The following CACNA1E variants were observed in gnomAD, a reference collection of about 807,000 sequenced individuals.
The protein encoded by CACNA1E is calcium voltage-gated channel subunit alpha1 E, also known as voltage-dependent R-type calcium channel subunit alpha-1E.
A neutral mutation model predicts 259.2 loss-of-function variants in CACNA1E; 40 were observed. The ratio of observed to expected loss-of-function variants is 0.15; its 90% CI spans 0.12 to 0.20. The LOEUF (loss-of-function observed/expected upper bound fraction) is 0.20, where lower values mean the gene tolerates loss of function less well. Ranked by LOEUF, CACNA1E falls within the 10% of genes least tolerant of loss-of-function variation. The probability of loss-of-function intolerance (pLI) is 1.00; values close to 1 mark genes in which losing one functional copy is unlikely to be tolerated. For synonymous variants in CACNA1E, 1,104 were observed against 1,138.5 expected (o/e 0.97, Z 0.61); for missense variants, 1,874 against 3,040.1 (o/e 0.62, Z 9.02).
At chr1:181,718,482 C>T (rs1436279718) in intron 12 of CACNA1E, among the ~76,000 whole-genome samples, 1 of 151,990 alleles carries the variant, frequency 6.6e-6, no homozygotes, top group Non-Finnish European at 1.5e-5. Context: ...CACTTATTAT[C>T]TTGGGGGAAG....
At chr1:181,617,221 G>T (rs1655299730) in intron 6 of CACNA1E, among the ~76,000 whole-genome samples, 1 of 148,894 alleles carries the variant, frequency 6.7e-6, no homozygotes, top group Non-Finnish European at 1.5e-5. Flanking sequence ...TTAATATGCT[G>T]TTCTGTTTCA....
intron 1 of CACNA1E, among the ~76,000 whole-genome samples, chr1:181,319,652 G>A (rs1216176419): frequency 6.6e-6 from 1 of 152,164 alleles, no homozygotes. Context: ...TGTCCAAGCT[G>A]GGACATTTCT....
intron 3 of CACNA1E, among the ~76,000 whole-genome samples, chr1:181,573,322 C>T (rs1650606124): frequency 6.6e-6 from 1 of 152,182 alleles, no homozygotes; most frequent in African/African-American, 2.4e-5. Context: ...TTTTATGTGT[C>T]TGTCTACTTC....
At position 181,605,425 on chromosome 1, in the gene CACNA1E, C is replaced by G. The variant is rs61054681; in HGVS notation, c.951+24649C>G. On this transcript the variant is annotated intron_variant, in intron 6 of 47. Coordinates refer to ENST00000367573, the MANE Select transcript of CACNA1E (RefSeq NM_001205293.3). ...CATGCCCAAGGCAGCACTGGCAGCT[C>G]AAGCTCAGGCCAAACACACACGAGA... Among the ~76,000 whole-genome samples the G allele has an allele frequency of 6.4e-3, 978 of 152,194 alleles. 17 individuals are homozygous for G. The highest frequency in any genetic ancestry group is 0.022 in the African/African-American group (932 of 41,504).
chr1:181,757,248 G>A, intron 30 of CACNA1E, 122 bp downstream of exon 30: 2 of 696,492 alleles, frequency 2.9e-6, no homozygotes, highest in Non-Finnish European at 4.8e-6. Flanking sequence ...AGAGAAGATG[G>A]GAAAAGTAAC....
chr1:181,503,833 GC>G (rs1221374480), intron 1 of CACNA1E, among the ~76,000 whole-genome samples: 7 of 152,336 alleles, frequency 4.6e-5, no homozygotes, highest in African/African-American at 1.7e-4. Flanking sequence ...TGTTGGGACA[GC>G]TTTTGCAGTC....
rs780350288 is a variant in CACNA1E at position 181,726,087 on chromosome 1, C to A, written c.2165C>A (p.Ala722Asp). ...TAGGATGAACAGGAGGAAGAAGAGG[C>A]CTTCAACCAGAAACATGCACTGCAG... ...LTKDEQEEEE[A>D]FNQKHALQKA... Residue 722 changes from alanine to aspartate, a missense_variant, in exon 18 of 48, where the codon GCC becomes GAC. Around this residue, in one of 14 missense-constraint regions of CACNA1E, gnomAD observed 102 missense variants for 279.4 expected, o/e 0.37. Transcript: ENST00000367573. The A allele has an allele frequency of 1.2e-6, 2 of 1,612,610 alleles. No individual in the cohort carries two copies. The highest frequency in any genetic ancestry group is 8.5e-7 in the Non-Finnish European group (1 of 1,179,166).
intron 12 of CACNA1E, among the ~76,000 whole-genome samples, chr1:181,719,118 G>A (rs954802615): frequency 5.3e-5 from 8 of 152,278 alleles, no homozygotes; most frequent in South Asian, 4.2e-4. Context: ...CTTTGTGTCC[G>A]TACCTTTCGG....
chr1:181,461,159 GGA>G (rs1401196708), intron 2 of CACNA1E, among the ~76,000 whole-genome samples: 4 of 152,160 alleles, frequency 2.6e-5, no homozygotes, highest in Admixed American at 1.3e-4. Flanking sequence ...GAGTTATTCA[GGA>G]GACTAGAACT....
At position 181,733,778 on chromosome 1, in the gene CACNA1E, AC is replaced by A. The variant is rs779900123; in HGVS notation, c.3262+33del. The A allele has an allele frequency of 1.0e-5, 15 of 1,465,656 alleles. No homozygotes were observed. The East Asian group carries it at 2.6e-4, about 25-fold the overall frequency. The allele number at this position is 1,465,656 out of a possible 1,614,324, so 90.8% of individuals were successfully genotyped here. A position where few individuals can be genotyped will look rare whatever the true frequency, so the allele number is the denominator to read the frequency against. On this transcript the variant is annotated intron_variant, in intron 21 of 47. Transcript: ENST00000367573. ...GAGAGCACAGTCCCTGTTCCCCTCC[AC>A]CCCCAACTCCTATCCCATCTGGGGC...
intron 3 of CACNA1E, among the ~76,000 whole-genome samples, chr1:181,548,931 C>A (rs548862347): frequency 9.2e-5 from 14 of 152,078 alleles, no homozygotes; most frequent in Non-Finnish European, 1.8e-4. Context: ...AGCAAGTTCC[C>A]AGGTAACAAG....
intron 7 of CACNA1E, among the ~76,000 whole-genome samples, chr1:181,706,909 A>G (rs538140570): frequency 6.6e-6 from 1 of 152,384 alleles, no homozygotes; most frequent in East Asian, 1.9e-4. Context: ...TAACAAGTTT[A>G]AATGTGTTAC....
chr1:181,691,253 A>C (rs77106231), intron 7 of CACNA1E, among the ~76,000 whole-genome samples: 2,533 of 151,948 alleles, frequency 0.017, 29 homozygotes, highest in Non-Finnish European at 0.024. Flanking sequence ...AGAGTTTTGT[A>C]GTTTTCCTTA....
At chr1:181,506,006 C>A (rs1665678185) in intron 1 of CACNA1E, among the ~76,000 whole-genome samples, 1 of 152,214 alleles carries the variant, frequency 6.6e-6, no homozygotes, top group African/African-American at 2.4e-5. Flanking sequence ...GATTTCAAAA[C>A]ACAAGCAATC....
chr1:181,627,737 C>T (rs764165028), intron 6 of CACNA1E, among the ~76,000 whole-genome samples: 1 of 152,202 alleles, frequency 6.6e-6, no homozygotes. Flanking sequence ...AATTGTGTCA[C>T]TAACATGCTT....
At chr1:181,499,725 A>G (rs1347566728) in intron 1 of CACNA1E, among the ~76,000 whole-genome samples, 1 of 152,218 alleles carries the variant, frequency 6.6e-6, no homozygotes, top group Non-Finnish European at 1.5e-5. Context: ...GACAAATTAA[A>G]TCCAAATTTC....
chr1:181,432,611 C>T (rs1469834500), intron 2 of CACNA1E, among the ~76,000 whole-genome samples: 1 of 152,040 alleles, frequency 6.6e-6, no homozygotes, highest in African/African-American at 2.4e-5. Context: ...CATTTAAATG[C>T]TTCCAGAATT....
At chr1:181,720,077 G>C (rs1654282901) in intron 13 of CACNA1E, 129 bp from the exon 14 acceptor site, 2 of 1,120,458 alleles carry the variant, frequency 1.8e-6, no homozygotes, top group African/African-American at 3.1e-5. Flanking sequence ...ATAGGTTTCT[G>C]CCCTCTTTAC....
intron 3 of CACNA1E, among the ~76,000 whole-genome samples, chr1:181,558,343 C>T (rs960192098): frequency 2.6e-5 from 4 of 152,200 alleles, no homozygotes; most frequent in Admixed American, 1.3e-4. Context: ...ATACATTTAT[C>T]GAGTACCTAC....
Sources: allele counts gnomAD v4.1 joint callset (sites outside exome capture counted in the v4.1 genomes callset), GRCh38; gene constraint gnomAD v4.1.1; regional missense constraint gnomAD v4.1.1; transcripts MANE v1.5; gene names NCBI Gene and HGNC (gene_info 2026-07-23, HGNC 2026-07-21).